Variants in DIP2C observed in about 807,000 individuals in gnomAD.
The protein encoded by DIP2C is disco-interacting protein 2 homolog C.
A neutral mutation model predicts 192.4 loss-of-function variants in DIP2C; 33 were observed. The ratio of observed to expected loss-of-function variants is 0.17; its 90% CI spans 0.13 to 0.23. The LOEUF (loss-of-function observed/expected upper bound fraction) is 0.23. Among genes scored for constraint, DIP2C ranks in the 10% least tolerant of loss-of-function variants. The pLI is 1.00. For synonymous variants in DIP2C, 979 were observed against 864.1 expected (o/e 1.13, Z -2.33); for missense variants, 1,537 against 2,110.1 (o/e 0.73, Z 5.32).
At chr10:662,992 G>A (rs1463418474) in intron 1 of DIP2C, 15 of 713,744 alleles carry the variant, frequency 2.1e-5, no homozygotes, top group African/African-American at 5.2e-5. Context: ...TTATCTGAAC[G>A]TCACACAAAA....
intron 4 of DIP2C, among the ~76,000 whole-genome samples, chr10:436,602 G>A (rs1477960086): frequency 6.7e-6 from 1 of 149,552 alleles, no homozygotes; most frequent in Non-Finnish European, 1.5e-5. Flanking sequence ...ACCCACACCT[G>A]AGCTCTCTCT....
chr10:644,594 CG>C (rs1213165425), intron 1 of DIP2C, among the ~76,000 whole-genome samples: 2 of 151,482 alleles, frequency 1.3e-5, no homozygotes, highest in African/African-American at 2.4e-5. Context: ...AAACAACGTC[CG>C]GGGGCAACCC....
rs1262410521 is a variant in DIP2C at position 417,989 on chromosome 10, T to C, written c.739+1076A>G. 5.7e-5 allele frequency among the ~76,000 whole-genome samples: 6 copies of C among 104,946 alleles called. 2 individuals carry two copies. The highest frequency in any genetic ancestry group is 1.8e-4 in the Admixed American group (2 of 11,312). 68.8% of individuals were successfully genotyped at this position (104,946 alleles called of 152,430 possible). ...CTGTCAGGGCTCGGATAGGCCTCCC[T>C]GTCCACCTGCACCTGTCAGGGCGCG... On this transcript the variant is annotated intron_variant, in intron 6 of 36. Transcript: ENST00000280886.
At chr10:609,902 C>T (rs567728487) in intron 1 of DIP2C, among the ~76,000 whole-genome samples, 3 of 152,246 alleles carry the variant, frequency 2.0e-5, no homozygotes, top group East Asian at 1.9e-4. Flanking sequence ...CCCTTCCCAG[C>T]GGTTCTTCCT....
chr10:309,047 G>A (rs1036848891), intron 32 of DIP2C, among the ~76,000 whole-genome samples: 6 of 152,172 alleles, frequency 3.9e-5, no homozygotes, highest in Admixed American at 6.5e-5. Flanking sequence ...TGCTGACGGC[G>A]ATAAGGGAAG....
rs545960127 is a variant in DIP2C, at chr10:311,466, C to T, written c.3925-1374G>A. On this transcript the variant is annotated intron_variant, in intron 31 of 36. Coordinates refer to ENST00000280886, the MANE Select transcript of DIP2C (RefSeq NM_014974.3). ...TGCACTCAACTGCTAGTCTGTCCCACGGCTGGATGCGGGCAAGGCAGCGGG... is the reference window on the plus strand; with the variant it reads ...TGCACTCAACTGCTAGTCTGTCCCATGGCTGGATGCGGGCAAGGCAGCGGG... 629 of 1,198,422 alleles carry T rather than the reference C, an allele frequency of 5.2e-4. 2 individuals carry two copies. Among genetic ancestry groups the T allele is most frequent in the Admixed American group, 6.3e-4 (15 of 23,696 alleles). The allele number at this position is 1,198,422 out of a possible 1,614,324, so 74.2% of individuals were successfully genotyped here. A position where few individuals can be genotyped will look rare whatever the true frequency, so the allele number is the denominator to read the frequency against.
rs183294058 is a variant in DIP2C at position 473,964 on chromosome 10, C to T, written c.158-1415G>A. Among the ~76,000 whole-genome samples the T allele has an allele frequency of 4.8e-4, 73 of 152,290 alleles. 1 individual carries two copies. Among genetic ancestry groups the T allele is most frequent in the Non-Finnish European group, 3.2e-4 (22 of 68,012 alleles). On this transcript the variant is annotated intron_variant, in intron 2 of 36. Transcript: ENST00000280886. ...TTCAGAACTAAGTTAAGCATGGCTCCTACACCGTCATTTTGCTAAGTTTCA... is the reference window on the plus strand; with the variant it reads ...TTCAGAACTAAGTTAAGCATGGCTCTTACACCGTCATTTTGCTAAGTTTCA...
intron 1 of DIP2C, among the ~76,000 whole-genome samples, chr10:574,278 T>C (rs1850006970): frequency 6.6e-6 from 1 of 152,230 alleles, no homozygotes; most frequent in Non-Finnish European, 1.5e-5. Flanking sequence ...TAGCAGATTT[T>C]AGCAAAATAA....
In DIP2C at chr10:581,443, C is replaced by T. The variant is rs185549655; in HGVS notation, c.86-94913G>A. Among the ~76,000 whole-genome samples, 92 of 151,922 alleles carry T rather than the reference C, an allele frequency of 6.1e-4. No homozygotes were observed. In the East Asian group the frequency reaches 0.013, roughly 21 times the overall value. ...ATGTTAAGCTGTCAAAGGTGCTAAT[C>T]AAAAATGTACTTAGAGGTTTTTTTT... On this transcript the variant is annotated intron_variant, in intron 1 of 36. Transcript: ENST00000280886.
At chr10:641,023 C>CTTTA (rs1412427597) in intron 1 of DIP2C, among the ~76,000 whole-genome samples, 1 of 152,140 alleles carries the variant, frequency 6.6e-6, no homozygotes, top group Non-Finnish European at 1.5e-5. Flanking sequence ...CAACGTTAAC[C>CTTTA]CCATGGCTTC....
chr10:668,358 ACT>A (rs1857241355), intron 1 of DIP2C: 1 of 152,122 alleles, frequency 6.6e-6, no homozygotes, highest in Non-Finnish European at 1.5e-5. Context: ...AACACACAAC[ACT>A]GATACAACAT....
intron 34 of DIP2C, among the ~76,000 whole-genome samples, chr10:284,584 G>A (rs1955001122): frequency 1.3e-5 from 2 of 152,104 alleles, no homozygotes. Context: ...TGGTTAGCCG[G>A]GACTTCAGAG....
At chr10:474,038 G>C (rs761594909) in intron 2 of DIP2C, among the ~76,000 whole-genome samples, 1 of 152,184 alleles carries the variant, frequency 6.6e-6, no homozygotes, top group Non-Finnish European at 1.5e-5. Flanking sequence ...CCTGAGGACT[G>C]AACTGTCTGC....
intron 2 of DIP2C, among the ~76,000 whole-genome samples, chr10:474,322 A>G (rs538380652): frequency 1.3e-5 from 2 of 152,260 alleles, no homozygotes; most frequent in South Asian, 4.1e-4. Context: ...ACGCTTTTCA[A>G]TGATTCTGGA....
At chr10:496,864 C>T (rs1320057549) in intron 1 of DIP2C, among the ~76,000 whole-genome samples, 1 of 152,202 alleles carries the variant, frequency 6.6e-6, no homozygotes, top group African/African-American at 2.4e-5. Flanking sequence ...GTGGCTCACA[C>T]CCGTAATCCC....
chr10:402,926 G>C (rs1253933991), intron 9 of DIP2C, among the ~76,000 whole-genome samples: 3 of 8,832 alleles, frequency 3.4e-4, no homozygotes, highest in African/African-American at 3.6e-4. Flanking sequence ...GGACAAGTTT[G>C]GTACATTTTC....
intron 1 of DIP2C, among the ~76,000 whole-genome samples, chr10:499,223 C>A (rs1439721023): frequency 6.6e-6 from 1 of 152,210 alleles, no homozygotes; most frequent in Non-Finnish European, 1.5e-5. Flanking sequence ...GGCTACACAG[C>A]TGAGGTTTCC....
intron 1 of DIP2C, among the ~76,000 whole-genome samples, chr10:611,231 C>T (rs1853079512): frequency 6.6e-6 from 1 of 152,166 alleles, no homozygotes; most frequent in Non-Finnish European, 1.5e-5. Flanking sequence ...TAAAGACGTG[C>T]CTGCCTCCCC....
intron 29 of DIP2C, among the ~76,000 whole-genome samples, chr10:337,955 CGTGTGT>C (rs554936668): frequency 4.1e-5 from 5 of 122,526 alleles, no homozygotes; most frequent in Admixed American, 3.3e-4. Context: ...CCTAGACAGT[CGTGTGT>C]GTGTGTGCGT....
Sources: gnomAD v4.1 joint callset for allele counts (sites outside exome capture counted in the v4.1 genomes callset) on GRCh38, gnomAD v4.1.1 for gene constraint, MANE v1.5 for transcripts, NCBI Gene and HGNC (gene_info 2026-07-23, HGNC 2026-07-21) for gene names.